Variants in RABGAP1L observed in about 807,000 individuals in gnomAD.
The protein encoded by RABGAP1L is RAB GTPase activating protein 1 like, also known as rab GTPase-activating protein 1-like.
A neutral mutation model predicts 137.7 loss-of-function variants in RABGAP1L; 63 were observed. The observed-to-expected ratio is 0.46, with a 90% confidence interval of 0.37 to 0.56. The LOEUF (loss-of-function observed/expected upper bound fraction) is 0.56, where lower values mean the gene tolerates loss of function less well. Among genes scored for constraint, RABGAP1L ranks in the 20% least tolerant of loss-of-function variants. The probability of loss-of-function intolerance (pLI) is 0.00; values close to 1 mark genes in which losing one functional copy is unlikely to be tolerated. For synonymous variants in RABGAP1L, 431 were observed against 433.7 expected (o/e 0.99, Z 0.08); for missense variants, 1,095 against 1,244.0 (o/e 0.88, Z 1.80).
intron 13 of RABGAP1L, among the ~76,000 whole-genome samples, chr1:174,567,990 A>G (rs1210858979): frequency 6.6e-6 from 1 of 152,204 alleles, no homozygotes; most frequent in Non-Finnish European, 1.5e-5. Flanking sequence ...TTGCATTGAT[A>G]TAAAGGAATA....
At chr1:174,882,060 C>G (rs61828121) in intron 19 of RABGAP1L, among the ~76,000 whole-genome samples, 28 of 152,010 alleles carry the variant, frequency 1.8e-4, no homozygotes, top group Non-Finnish European at 3.2e-4. Context: ...GGGGTTTCTC[C>G]ATGTTGGTCA....
At chr1:174,967,330 AT>A (rs35787924) in intron 20 of RABGAP1L, among the ~76,000 whole-genome samples, 12,696 of 115,772 alleles carry the variant, frequency 0.11, 2,109 homozygotes, top group African/African-American at 0.41. Context: ...CACCCAGCTA[AT>A]TTTTTTTTTT....
Position 174,448,838 on chromosome 1 carries a change from C to T in RABGAP1L, c.1710+54693C>T, listed in dbSNP as rs900226744. 4.0e-5 allele frequency: 65 copies of T among 1,613,932 alleles called. No individual in the cohort carries two copies. Among genetic ancestry groups the T allele is most frequent in the Non-Finnish European group, 5.4e-5 (64 of 1,179,970 alleles). On this transcript the variant is annotated intron_variant, in intron 13 of 25. Transcript: ENST00000681986. The surrounding 1 kb of genome is among the most constrained non-coding windows in gnomAD (Gnocchi z 4.2). ...CAAAGAGATAAATGACCGAAGAGCC[C>T]GATTCCCTAGTCATGAGGTAGATTC...
At chr1:174,606,866 G>A (rs1670831992) in intron 13 of RABGAP1L, among the ~76,000 whole-genome samples, 1 of 152,120 alleles carries the variant, frequency 6.6e-6, no homozygotes, top group South Asian at 2.1e-4. Context: ...TTAAATAAAT[G>A]TAACACAGCT....
intron 13 of RABGAP1L, among the ~76,000 whole-genome samples, chr1:174,477,880 G>A (rs1658666262): frequency 6.6e-6 from 1 of 152,014 alleles, no homozygotes; most frequent in East Asian, 1.9e-4. Flanking sequence ...CAGTCATTTA[G>A]AGATTTTTTT....
intron 1 of RABGAP1L, among the ~76,000 whole-genome samples, chr1:174,163,451 G>T (rs1664669015): frequency 6.6e-6 from 1 of 151,822 alleles, no homozygotes; most frequent in African/African-American, 2.4e-5. Context: ...GGTGTTTTTT[G>T]GTGTACTTTT....
chr1:174,708,093 G>C (rs905254746), intron 17 of RABGAP1L, among the ~76,000 whole-genome samples: 2 of 152,060 alleles, frequency 1.3e-5, no homozygotes, highest in African/African-American at 4.8e-5. Flanking sequence ...TAAGGAAATC[G>C]TTGACCCTTC....
At chr1:174,613,165 A>G (rs973678891) in intron 13 of RABGAP1L, among the ~76,000 whole-genome samples, 2 of 148,694 alleles carry the variant, frequency 1.3e-5, no homozygotes, top group African/African-American at 5.0e-5. Flanking sequence ...TCAATTTTGG[A>G]TCTTTCCTGC....
intron 13 of RABGAP1L, among the ~76,000 whole-genome samples, chr1:174,505,263 A>T (rs1434661397): frequency 2.0e-5 from 3 of 152,190 alleles, no homozygotes; most frequent in African/African-American, 4.8e-5. Flanking sequence ...TTTAAAATCC[A>T]TCTGGCATTT....
intron 11 of RABGAP1L, among the ~76,000 whole-genome samples, chr1:174,351,241 T>C (rs1683159758): frequency 6.6e-6 from 1 of 152,236 alleles, no homozygotes. Flanking sequence ...ATTTTCTGTG[T>C]TTGTGTACTT....
At chr1:174,620,319 A>G (rs929497780) in intron 13 of RABGAP1L, among the ~76,000 whole-genome samples, 20 of 152,230 alleles carry the variant, frequency 1.3e-4, no homozygotes, top group Admixed American at 3.9e-4. Context: ...ACCCCAAATC[A>G]ACAGAATATA....
intron 13 of RABGAP1L, among the ~76,000 whole-genome samples, chr1:174,543,580 T>C (rs567438701): frequency 6.6e-6 from 1 of 152,224 alleles, no homozygotes; most frequent in Non-Finnish European, 1.5e-5. Context: ...AATTGAAACA[T>C]TTAGCCCATT....
rs1252681895 is a variant in RABGAP1L, at chr1:174,550,997, C to CATATATATAT, written c.1711-86377_1711-86376insTATATATATA. 4.3e-3 allele frequency among the ~76,000 whole-genome samples: 399 copies of CATATATATAT among 92,108 alleles called. 39 individuals carry two copies. Among genetic ancestry groups the CATATATATAT allele is most frequent in the African/African-American group, 0.028 (347 of 12,292 alleles). 60.4% of individuals were successfully genotyped at this position (92,108 alleles called of 152,430 possible). ...ATGTATATATACATATATATATATA[C>CATATATATAT]ACATATATATATATATATATATATA... On this transcript the variant is annotated intron_variant, in intron 13 of 25. Coordinates refer to ENST00000681986, the MANE Select transcript of RABGAP1L (RefSeq NM_001366446.1).
intron 18 of RABGAP1L, among the ~76,000 whole-genome samples, chr1:174,789,280 A>T (rs562770347): frequency 5.3e-5 from 8 of 152,286 alleles, no homozygotes; most frequent in Non-Finnish European, 1.2e-4. Flanking sequence ...TGTATTAATC[A>T]TGGCATTCTT....
intron 19 of RABGAP1L, among the ~76,000 whole-genome samples, chr1:174,919,089 G>A (rs1163229754): frequency 6.6e-6 from 1 of 151,562 alleles, no homozygotes; most frequent in African/African-American, 2.4e-5. Context: ...CACGATCTCG[G>A]CTCACTGCAA....
At chr1:174,965,770 T>C (rs1669567325) in intron 20 of RABGAP1L, among the ~76,000 whole-genome samples, 1 of 152,234 alleles carries the variant, frequency 6.6e-6, no homozygotes, top group Non-Finnish European at 1.5e-5. Context: ...CCCACTGTGC[T>C]GCTTGCTTTG....
chr1:174,634,719 T>C lies in RABGAP1L; in HGVS notation c.1711-2656T>C, dbSNP rs1385775302. Among the ~76,000 whole-genome samples, 18 of 137,580 alleles carry C rather than the reference T, an allele frequency of 1.3e-4. 1 individual carries two copies. Among genetic ancestry groups the C allele is most frequent in the Admixed American group, 1.3e-3 (18 of 14,082 alleles). The allele number at this position is 137,580 out of a possible 152,430, so 90.3% of individuals were successfully genotyped here. ...TATGCAGCCATAAAAAATGATGAGT[T>C]CATGTCCTTTGTAGGGACATGGATG... On this transcript the variant is annotated intron_variant, in intron 13 of 25. Transcript: ENST00000681986.
chr1:174,758,266 TTCTG>T (rs1163647624), intron 18 of RABGAP1L, among the ~76,000 whole-genome samples: 1 of 152,106 alleles, frequency 6.6e-6, no homozygotes, highest in African/African-American at 2.4e-5. Context: ...CCTCTGCTAC[TTCTG>T]TCTTTTTTTT....
intron 18 of RABGAP1L, among the ~76,000 whole-genome samples, chr1:174,767,034 AATC>A (rs1685721647): frequency 6.6e-6 from 1 of 152,170 alleles, no homozygotes; most frequent in Non-Finnish European, 1.5e-5. Context: ...CCAATAAGAA[AATC>A]TTTGAATCTA....
Sources: allele counts gnomAD v4.1 joint callset (sites outside exome capture counted in the v4.1 genomes callset), GRCh38; gene constraint gnomAD v4.1.1; non-coding constraint Gnocchi (gnomAD v3.1); transcripts MANE v1.5; gene names NCBI Gene and HGNC (gene_info 2026-07-23, HGNC 2026-07-21).